The following KANSL1L variants were observed in gnomAD, a reference collection of about 807,000 sequenced individuals.
KANSL1L encodes KAT8 regulatory NSL complex subunit 1 like.
KANSL1L carries 25 observed loss-of-function variants against 108.6 expected under a neutral mutation model. That is an observed-to-expected ratio of 0.23 (90% confidence interval 0.17 to 0.32). KANSL1L has a LOEUF of 0.32. Among genes scored for constraint, KANSL1L ranks in the 10% least tolerant of loss-of-function variants. The pLI, the probability that KANSL1L is intolerant of heterozygous loss-of-function variation, is 1.00. For missense variants in KANSL1L, 1,137 were observed against 1,125.7 expected (o/e 1.01, Z -0.14); for synonymous variants, 405 against 395.1 (o/e 1.03, Z -0.30).
At chr2:210,064,625 C>A (rs1446114312) in intron 6 of KANSL1L, among the ~76,000 whole-genome samples, 1 of 151,746 alleles carries the variant, frequency 6.6e-6, no homozygotes, top group African/African-American at 2.4e-5. Context: ...CAAGCCTAGG[C>A]AACATAGAAA....
intron 2 of KANSL1L, among the ~76,000 whole-genome samples, chr2:210,131,467 G>C (rs1255712197): frequency 6.6e-6 from 1 of 151,912 alleles, no homozygotes; most frequent in Non-Finnish European, 1.5e-5. Context: ...TATGCAATTT[G>C]GTTTGGCTAT....
rs66917529 is a variant in KANSL1L at position 210,171,295 on chromosome 2, G to GGCCGCCGCCGCCGCC, written c.-191_-177dup. 19 of 168,070 alleles carry GGCCGCCGCCGCCGCC rather than the reference G, an allele frequency of 1.1e-4. No individual in the cohort carries two copies. The highest frequency in any genetic ancestry group is 3.2e-4 in the African/African-American group (13 of 40,884). 10.4% of individuals were successfully genotyped at this position (168,070 alleles called of 1,614,324 possible). ...CCAGAGCGCGCCCCGCTCCCGCCCC[G>GGCCGCCGCCGCCGCC]GCCGCCGCCGCCGCCGCCGCCGCCG... On this transcript the variant is annotated 5_prime_UTR_variant, in exon 1 of 15. Coordinates refer to ENST00000281772, the MANE Select transcript of KANSL1L (RefSeq NM_152519.4).
intron 3 of KANSL1L, among the ~76,000 whole-genome samples, chr2:210,106,563 G>A (rs957632526): frequency 1.3e-5 from 2 of 152,014 alleles, no homozygotes; most frequent in African/African-American, 4.8e-5. Flanking sequence ...GAGGCCAGGA[G>A]TTCAACACCA....
intron 5 of KANSL1L, among the ~76,000 whole-genome samples, chr2:210,084,926 A>G (rs1165617810): frequency 6.6e-6 from 1 of 151,724 alleles, no homozygotes; most frequent in Non-Finnish European, 1.5e-5. Flanking sequence ...TTTCTCTTTT[A>G]TTAGGATGTC....
chr2:210,090,061 A>G (rs1485696754), intron 5 of KANSL1L, among the ~76,000 whole-genome samples: 1 of 152,218 alleles, frequency 6.6e-6, no homozygotes, highest in African/African-American at 2.4e-5. Flanking sequence ...TGAATCAACG[A>G]CTAGTATACT....
At chr2:210,149,698 C>T (rs1415515598) in intron 2 of KANSL1L, among the ~76,000 whole-genome samples, 2 of 151,790 alleles carry the variant, frequency 1.3e-5, no homozygotes, top group African/African-American at 4.8e-5. Flanking sequence ...TTTTTATATT[C>T]ACACCAAAAG....
At chr2:210,157,011 G>T (rs2095337467) in intron 1 of KANSL1L, among the ~76,000 whole-genome samples, 1 of 149,966 alleles carries the variant, frequency 6.7e-6, no homozygotes, top group Non-Finnish European at 1.5e-5. Flanking sequence ...AAAAAAAGAT[G>T]GTTTTTTTCA....
rs770865263 is a variant in KANSL1L, at chr2:210,153,839, G to A, written c.744C>T (p.Leu248=). ...ARRTQKHLQM[L]LAKHVVKHYG... is the part of the protein sequence containing the mutation. ...AGTGCTTAACAACATGCTTTGCCAG[G>A]AGCATCTGCAAATGTTTCTGAGTTC... is the stretch of plus-strand genomic sequence containing the variant. Residue 248 remains leucine, a synonymous_variant, in exon 2 of 15, where the codon CTC becomes CTT. Transcript: ENST00000281772. 3.7e-6 allele frequency: 6 copies of A among 1,612,630 alleles called. No homozygotes were observed. The highest frequency in any genetic ancestry group is 5.1e-6 in the Non-Finnish European group (6 of 1,179,636).
upstream of KANSL1L, among the ~76,000 whole-genome samples, chr2:210,172,244 C>G (rs963768789): frequency 1.3e-5 from 2 of 152,178 alleles, no homozygotes; most frequent in Non-Finnish European, 2.9e-5. Context: ...AAACTGAACT[C>G]TAAATGTAGC....
intron 2 of KANSL1L, among the ~76,000 whole-genome samples, chr2:210,147,137 TC>T (rs759886624): frequency 7.2e-5 from 11 of 152,300 alleles, no homozygotes; most frequent in Admixed American, 2.0e-4. Flanking sequence ...AAGTACTACT[TC>T]CCTCAAAGAT....
intron 8 of KANSL1L, chr2:210,035,285 C>G (rs2094085758): frequency 6.6e-6 from 1 of 152,150 alleles, no homozygotes; most frequent in Non-Finnish European, 1.5e-5. Flanking sequence ...TGGTATTCCT[C>G]ATGATTAAAC....
chr2:210,028,860 T>G lies in KANSL1L; in HGVS notation c.2381A>C (p.Glu794Ala), dbSNP rs150714258. The G allele has an allele frequency of 5.7e-6, 9 of 1,592,422 alleles. No individual in the cohort carries two copies. Among genetic ancestry groups the G allele is most frequent in the Middle Eastern group, 1.7e-4 (1 of 6,030 alleles). ...PAKLEKLQYK[E>A]ILTPSWRMVV... Reference sequence around the variant, plus strand: ...GTATACATACCTTGGAGTAAGTATTTCCTTATATTGGAGTTTCTCTAATTT... The same window carrying G: ...GTATACATACCTTGGAGTAAGTATTGCCTTATATTGGAGTTTCTCTAATTT... The change falls in exon 11 of 15, where the codon GAA becomes GCA. Residue 794 changes from glutamate to alanine, a missense_variant. By Grantham distance (107) the Glu-to-Ala change is moderately radical. Coordinates refer to ENST00000281772, the MANE Select transcript of KANSL1L (RefSeq NM_152519.4).
At chr2:210,161,154 A>AATTTTTGT (rs1206547797) in intron 1 of KANSL1L, among the ~76,000 whole-genome samples, 1 of 151,882 alleles carries the variant, frequency 6.6e-6, no homozygotes, top group African/African-American at 2.4e-5. Flanking sequence ...ATGCCCGGCT[A>AATTTTTGT]ATTTTTGTAT....
chr2:210,089,690 CT>C (rs1464187375), intron 5 of KANSL1L, among the ~76,000 whole-genome samples: 1 of 150,118 alleles, frequency 6.7e-6, no homozygotes, highest in Non-Finnish European at 1.5e-5. Context: ...AAGTTAAAAT[CT>C]TTTTGGGGGG....
At chr2:210,095,624 T>C (rs964357169) in intron 5 of KANSL1L, among the ~76,000 whole-genome samples, 5 of 152,160 alleles carry the variant, frequency 3.3e-5, no homozygotes, top group Non-Finnish European at 1.5e-5. Context: ...TACAAAACAT[T>C]TTAATGAAAT....
chr2:210,022,830 A>G lies in KANSL1L; in HGVS notation c.*119T>C. ...TTATCTTGCCTGTTTCATAAACAGC[A>G]TAAAAGATTAATACATGCAGAACAT... On this transcript the variant is annotated 3_prime_UTR_variant, in exon 15 of 15. Transcript: ENST00000281772. The G allele has an allele frequency of 1.4e-6, 1 of 716,464 alleles. No homozygotes were observed. 44.4% of individuals were successfully genotyped at this position (716,464 alleles called of 1,614,324 possible).
intron 3 of KANSL1L, among the ~76,000 whole-genome samples, chr2:210,125,483 C>T (rs972334420): frequency 6.6e-6 from 1 of 152,150 alleles, no homozygotes. Context: ...CAGCATTATC[C>T]TGATGCCAAA....
chr2:210,058,797 A>C (rs1255986510), intron 6 of KANSL1L, among the ~76,000 whole-genome samples: 2 of 147,212 alleles, frequency 1.4e-5, no homozygotes, highest in African/African-American at 5.1e-5. Context: ...AGATCGCGCC[A>C]CTGCACTCCA....
At chr2:210,141,478 T>C (rs564074210) in intron 2 of KANSL1L, among the ~76,000 whole-genome samples, 5 of 152,200 alleles carry the variant, frequency 3.3e-5, no homozygotes, top group African/African-American at 1.2e-4. Context: ...CTATCTACCA[T>C]GTGAGAACAG....
Sources: allele counts gnomAD v4.1 joint callset (sites outside exome capture counted in the v4.1 genomes callset), GRCh38; gene constraint gnomAD v4.1.1; transcripts MANE v1.5; gene names NCBI Gene and HGNC (gene_info 2026-07-23, HGNC 2026-07-21).